Variants in VWA2 observed in about 807,000 individuals in gnomAD.
The protein encoded by VWA2 is von Willebrand factor A domain containing 2, also known as von Willebrand factor A domain-containing protein 2.
Under a neutral mutation model 70.4 loss-of-function variants are expected in VWA2, and 73 were observed. That is an observed-to-expected ratio of 1.04 (90% CI 0.86 to 1.26). VWA2 has a LOEUF of 1.26. VWA2 is among the 50% of genes most tolerant of loss of function. The probability of loss-of-function intolerance (pLI) is 0.00; values close to 1 mark genes in which losing one functional copy is unlikely to be tolerated. For missense variants in VWA2, 1,011 were observed against 998.5 expected (o/e 1.01, Z -0.17); for synonymous variants, 407 against 423.3 (o/e 0.96, Z 0.47).
intron 3 of VWA2, among the ~76,000 whole-genome samples, chr10:114,253,928 G>A (rs2133304605): frequency 6.6e-6 from 1 of 151,946 alleles, no homozygotes; most frequent in South Asian, 2.1e-4. Context: ...TGTAATTCCA[G>A]CTACTCGGGA....
chr10:114,242,500 T>C (rs2036990611), intron 1 of VWA2, among the ~76,000 whole-genome samples: 1 of 151,782 alleles, frequency 6.6e-6, no homozygotes, highest in Admixed American at 6.6e-5. Flanking sequence ...GCAGTGCCCC[T>C]GTGTACCAGT....
At chr10:114,243,279 C>G (rs189367048) in intron 1 of VWA2, among the ~76,000 whole-genome samples, 1 of 152,234 alleles carries the variant, frequency 6.6e-6, no homozygotes, top group East Asian at 1.9e-4. Context: ...TTTCTTGGTG[C>G]GGACTTTTGG....
chr10:114,248,775 G>C lies in VWA2; in HGVS notation c.52+10G>C, dbSNP rs1301612935. ...TTCCTGTTTTCCAGAGGTAAGATGTGTTTATTGGTGGTGGGGAAGTACTGG... is the reference window on the plus strand; with the variant it reads ...TTCCTGTTTTCCAGAGGTAAGATGTCTTTATTGGTGGTGGGGAAGTACTGG... On this transcript the variant is annotated intron_variant, in intron 2 of 13. Transcript: ENST00000392982. 1.2e-6 allele frequency: 2 copies of C among 1,613,092 alleles called. No homozygotes were observed. Among genetic ancestry groups the C allele is most frequent in the East Asian group, 4.5e-5 (2 of 44,880 alleles).
At chr10:114,255,184 A>C (rs2037297799) in intron 4 of VWA2, 136 bp downstream of exon 4, 1 of 1,085,874 alleles carries the variant, frequency 9.2e-7, no homozygotes. Flanking sequence ...GGTTCCTGGC[A>C]TGGTGGGATC....
chr10:114,261,168 C>T lies in VWA2; in HGVS notation c.262-18C>T. The T allele has an allele frequency of 6.3e-7, 1 of 1,591,172 alleles. No homozygotes were observed. The highest frequency in any genetic ancestry group is 8.6e-7 in the Non-Finnish European group (1 of 1,160,404). On this transcript the variant is annotated intron_variant, in intron 4 of 13. Transcript: ENST00000392982. The stretch of plus-strand genomic sequence containing the variant: ...GACTCCAGTCTCGGGGCCCTGAGCC[C>T]CCTGTCTCCTACTGCAGGTCAGAGT...
Position 114,277,896 on chromosome 10 carries a change from T to A in VWA2, c.567-18T>A. 2 of 1,595,848 alleles carry A rather than the reference T, an allele frequency of 1.3e-6. No homozygotes were observed. Among genetic ancestry groups the A allele is most frequent in the Non-Finnish European group, 1.7e-6 (2 of 1,167,076 alleles). On this transcript the variant is annotated intron_variant, in intron 6 of 13. Coordinates refer to ENST00000392982, the MANE Select transcript of VWA2 (RefSeq NM_001272046.2). The stretch of plus-strand genomic sequence containing the variant: ...GGGTGGGTATAGGACCACAAGCTGT[T>A]ACAACCCCTTGGCACAGGTGGGAGG...
At chr10:114,259,497 T>G (rs2037399659) in intron 4 of VWA2, among the ~76,000 whole-genome samples, 1 of 151,330 alleles carries the variant, frequency 6.6e-6, no homozygotes, top group African/African-American at 2.4e-5. Context: ...TGTGGTCACA[T>G]TTATCAATCT....
In VWA2 at chr10:114,292,317, G is replaced by A. The variant is rs766498350; in HGVS notation, c.*1080G>A. Among the ~76,000 whole-genome samples, 6 of 151,852 alleles carry A rather than the reference G, an allele frequency of 4.0e-5. No homozygotes were observed. The highest frequency in any genetic ancestry group is 9.7e-5 in the African/African-American group (4 of 41,302). On this transcript the variant is annotated 3_prime_UTR_variant, in exon 14 of 14. Coordinates refer to ENST00000392982, the MANE Select transcript of VWA2 (RefSeq NM_001272046.2). Reference sequence around the variant, plus strand: ...GTACTTAGGAGGGGTTAATTGTGGCGTGTTTATGGAATTCTTTCCTTATTC... The same window carrying A: ...GTACTTAGGAGGGGTTAATTGTGGCATGTTTATGGAATTCTTTCCTTATTC...
chr10:114,257,428 C>G (rs2037354042), intron 4 of VWA2, among the ~76,000 whole-genome samples: 2 of 152,112 alleles, frequency 1.3e-5, no homozygotes, highest in South Asian at 4.1e-4. Flanking sequence ...AAATGAGTAG[C>G]CTGGAGACCC....
In VWA2 at chr10:114,248,711, A is replaced by C; in HGVS notation, c.-3A>C. 6.2e-7 allele frequency: 1 copy of C among 1,613,270 alleles called. No individual in the cohort carries two copies. Among genetic ancestry groups the C allele is most frequent in the Non-Finnish European group, 8.5e-7 (1 of 1,179,326 alleles). On this transcript the variant is annotated 5_prime_UTR_variant, in exon 2 of 14. Coordinates refer to ENST00000392982, the MANE Select transcript of VWA2 (RefSeq NM_001272046.2). Reference sequence around the variant, plus strand: ...TTTCCTGTGTCCCTGTAGTTATATCAACATGCCCCCTTTCCTGTTGCTGGA... The same window carrying C: ...TTTCCTGTGTCCCTGTAGTTATATCCACATGCCCCCTTTCCTGTTGCTGGA...
In VWA2 at chr10:114,289,323, C is replaced by A; in HGVS notation, c.1956C>A (p.Ala652=). The A allele has an allele frequency of 6.2e-7, 1 of 1,614,180 alleles. No homozygotes were observed. The highest frequency in any genetic ancestry group is 8.5e-7 in the Non-Finnish European group (1 of 1,180,024). The change falls in exon 12 of 14, where the codon GCC becomes GCA. Residue 652 remains alanine (A), a synonymous_variant. Coordinates refer to ENST00000392982, the MANE Select transcript of VWA2 (RefSeq NM_001272046.2). The part of the protein sequence containing the change: ...GRGAEDAAVP[A]QKLRNNGISV... ...GCGCAGAGGATGCAGCCGTTCCTGC[C>A]CAGAAGCTGAGGAACAATGGCATCT...
intron 6 of VWA2, among the ~76,000 whole-genome samples, chr10:114,273,286 C>G (rs2037752240): frequency 6.6e-6 from 1 of 152,152 alleles, no homozygotes; most frequent in South Asian, 2.1e-4. Flanking sequence ...GAGATTCTTC[C>G]ACATATCTCT....
rs62640959 is a variant in VWA2 at position 114,286,427 on chromosome 10, C to T, written c.1486C>T (p.His496Tyr). ...ELEEITGSPK[H>Y]VMVYSDPQDL... ...GGAGGAGATCACAGGCAGCCCAAAGCATGTGATGGTCTACTCGGATCCTCA... is the reference window on the plus strand; with the variant it reads ...GGAGGAGATCACAGGCAGCCCAAAGTATGTGATGGTCTACTCGGATCCTCA... The change falls in exon 11 of 14, where the codon CAT (histidine) becomes TAT (tyrosine). Residue 496 changes from histidine to tyrosine, a missense_variant. Coordinates refer to ENST00000392982, the MANE Select transcript of VWA2 (RefSeq NM_001272046.2). 2.7e-3 allele frequency: 4,397 copies of T among 1,613,604 alleles called. 100 individuals are homozygous for T. In the African/African-American group the frequency reaches 0.051, roughly 19 times the overall value.
In VWA2 at chr10:114,286,488, A is replaced by G. The variant is rs777046436; in HGVS notation, c.1547A>G (p.Lys516Arg). 3.8e-6 allele frequency: 6 copies of G among 1,585,138 alleles called. No individual in the cohort carries two copies. The highest frequency in any genetic ancestry group is 3.4e-5 in the Admixed American group (2 of 58,994). ...AACCAAATCCCTGAGCTGCAGGGGA[A>G]GCTGTGCAGCCGGCAGCGGCCAGGT... ...LFNQIPELQGKLCSRQRPGCR... is the reference protein window; with the variant it reads ...LFNQIPELQGRLCSRQRPGCR... The change falls in exon 11 of 14, where the codon AAG becomes AGG. Residue 516 changes from lysine (K) to arginine (R), a missense_variant. Physicochemically the swap from Lys to Arg is conservative, Grantham distance 26 (BLOSUM62 2). Coordinates refer to ENST00000392982, the MANE Select transcript of VWA2 (RefSeq NM_001272046.2).
chr10:114,273,070 A>T, intron 6 of VWA2, 136 bp downstream of exon 6: 3 of 669,342 alleles, frequency 4.5e-6, no homozygotes, highest in Non-Finnish European at 4.7e-6. Context: ...TCACTTTGCC[A>T]TTTTGACTCC....
intron 6 of VWA2, 145 bp downstream of exon 6, chr10:114,273,079 C>G: frequency 1.6e-6 from 1 of 621,584 alleles, no homozygotes. Context: ...CATTTTGACT[C>G]CAGTGCACAG....
At chr10:114,289,625 T>C (rs2039352525) in intron 12 of VWA2, 136 bp downstream of exon 12, 2 of 954,918 alleles carry the variant, frequency 2.1e-6, no homozygotes, top group South Asian at 3.0e-5. Flanking sequence ...GGTTCTGTGC[T>C]AAACCCCATG....
intron 8 of VWA2, among the ~76,000 whole-genome samples, 165 bp from the exon 9 acceptor site, chr10:114,282,351 T>C (rs1366843921): frequency 1.3e-5 from 2 of 152,190 alleles, no homozygotes; most frequent in African/African-American, 4.8e-5. Context: ...CCCTACTCTA[T>C]GTGCAGAGAA....
chr10:114,285,244 G>C (rs1033042630), intron 10 of VWA2, among the ~76,000 whole-genome samples: 1 of 152,196 alleles, frequency 6.6e-6, no homozygotes, highest in African/African-American at 2.4e-5. Context: ...GCCCAGCCCA[G>C]CTGAAGGCAG....
Sources: gnomAD v4.1 joint callset for allele counts (sites outside exome capture counted in the v4.1 genomes callset) on GRCh38, gnomAD v4.1.1 for gene constraint, MANE v1.5 for transcripts, NCBI Gene and HGNC (gene_info 2026-07-23, HGNC 2026-07-21) for gene names.